The following TRPC4 variants were observed in gnomAD, a reference collection of about 807,000 sequenced individuals.
The protein encoded by TRPC4 is transient receptor potential cation channel subfamily C member 4, also known as short transient receptor potential channel 4.
In TRPC4, 49 loss-of-function variants were observed where a neutral mutation model predicts 99.4. The ratio of observed to expected loss-of-function variants is 0.49; its 90% CI spans 0.39 to 0.63. TRPC4 has a LOEUF of 0.63. Ranked by LOEUF, TRPC4 falls within the 20% of genes least tolerant of loss-of-function variation. The pLI is 0.00. For missense variants in TRPC4, 898 were observed against 1,152.9 expected, an observed-to-expected ratio of 0.78 and a Z score of 3.20; for synonymous variants, 454 against 425.9, an observed-to-expected ratio of 1.07 and a Z score of -0.81.
intron 1 of TRPC4, among the ~76,000 whole-genome samples, chr13:37,833,941 A>C (rs940417175): frequency 1.3e-5 from 2 of 152,238 alleles, no homozygotes; most frequent in African/African-American, 4.8e-5. Flanking sequence ...AGAAACTGCT[A>C]TCAAGTGTAG....
intron 8 of TRPC4, among the ~76,000 whole-genome samples, chr13:37,646,374 C>T (rs948120260): frequency 7.3e-5 from 11 of 151,536 alleles, no homozygotes; most frequent in Non-Finnish European, 1.2e-4. Context: ...TTTTTTGGTT[C>T]GGTATGGTAA....
intron 6 of TRPC4, among the ~76,000 whole-genome samples, chr13:37,660,264 T>C (rs1952384958): frequency 6.6e-6 from 1 of 152,024 alleles, no homozygotes; most frequent in South Asian, 2.1e-4. Flanking sequence ...ATATAGAAGT[T>C]AAAAGGGGCA....
At chr13:37,823,148 T>C (rs1406443327) in intron 1 of TRPC4, among the ~76,000 whole-genome samples, 1 of 150,642 alleles carries the variant, frequency 6.6e-6, no homozygotes, top group African/African-American at 2.4e-5. Context: ...TTTGTTGGAG[T>C]TCATTGTAGA....
chr13:37,810,513 T>C (rs551194658), intron 1 of TRPC4, among the ~76,000 whole-genome samples: 1 of 152,102 alleles, frequency 6.6e-6, no homozygotes, highest in South Asian at 2.1e-4. Context: ...CGTTCAAAGG[T>C]TTAATCAAAA....
intron 3 of TRPC4, among the ~76,000 whole-genome samples, chr13:37,732,808 T>C (rs1955280527): frequency 6.6e-6 from 1 of 152,054 alleles, no homozygotes; most frequent in Admixed American, 6.6e-5. Flanking sequence ...ATGAAAGAAA[T>C]AGTAGATGAC....
At chr13:37,836,817 A>C (rs1171746083) in intron 1 of TRPC4, among the ~76,000 whole-genome samples, 1 of 152,240 alleles carries the variant, frequency 6.6e-6, no homozygotes, top group Non-Finnish European at 1.5e-5. Flanking sequence ...GTTAATCCCC[A>C]AGACAATGCG....
Position 37,699,214 on chromosome 13 carries a change from G to A in TRPC4, c.898-6879C>T, listed in dbSNP as rs1954020715. 1.3e-5 allele frequency among the ~76,000 whole-genome samples: 2 copies of A among 152,038 alleles called. 1 individual carries two copies. Among genetic ancestry groups the A allele is most frequent in the South Asian group, 4.1e-4 (2 of 4,832 alleles). ...AGATGAATTAATATGTGAAAAGTAT[G>A]AGTTCCTAGGTCATAGTATATGTTC... On this transcript the variant is annotated intron_variant, in intron 3 of 10. Coordinates refer to ENST00000379705, the MANE Select transcript of TRPC4 (RefSeq NM_016179.4).
At chr13:37,824,894 T>C (rs1435259409) in intron 1 of TRPC4, among the ~76,000 whole-genome samples, 3 of 152,120 alleles carry the variant, frequency 2.0e-5, no homozygotes, top group Non-Finnish European at 2.9e-5. Context: ...TGTGAATCCA[T>C]CTGGTCCTGG....
chr13:37,703,469 A>G (rs1954169319), intron 3 of TRPC4, among the ~76,000 whole-genome samples: 1 of 152,148 alleles, frequency 6.6e-6, no homozygotes, highest in East Asian at 1.9e-4. Context: ...AAGTATAATT[A>G]ACCAAATATA....
chr13:37,837,493 A>G (rs1230484396), intron 1 of TRPC4, among the ~76,000 whole-genome samples: 1 of 152,178 alleles, frequency 6.6e-6, no homozygotes, highest in Non-Finnish European at 1.5e-5. Context: ...GTCAAAGGAG[A>G]TCATTTTGGA....
chr13:37,751,259 C>T (rs926038756), intron 2 of TRPC4, among the ~76,000 whole-genome samples: 2 of 152,096 alleles, frequency 1.3e-5, no homozygotes, highest in African/African-American at 4.8e-5. Flanking sequence ...GAACATTCAT[C>T]AGCTCTGCAT....
At chr13:37,723,395 A>G (rs1222553590) in intron 3 of TRPC4, among the ~76,000 whole-genome samples, 5 of 152,204 alleles carry the variant, frequency 3.3e-5, no homozygotes, top group African/African-American at 4.8e-5. Flanking sequence ...GCAAAACTCC[A>G]AATGGCTAAT....
chr13:37,796,721 A>G (rs1957254390), intron 1 of TRPC4, among the ~76,000 whole-genome samples: 1 of 151,744 alleles, frequency 6.6e-6, no homozygotes, highest in African/African-American at 2.4e-5. Flanking sequence ...ACTTAGCCCT[A>G]TTTGTCACTG....
At chr13:37,814,472 G>A (rs77667202) in intron 1 of TRPC4, among the ~76,000 whole-genome samples, 4,926 of 151,556 alleles carry the variant, frequency 0.033, 273 homozygotes, top group African/African-American at 0.11. Context: ...AAATTTATAG[G>A]ATATAACATG....
intron 1 of TRPC4, among the ~76,000 whole-genome samples, chr13:37,823,098 A>T (rs1445616821): frequency 4.0e-5 from 6 of 151,106 alleles, no homozygotes; most frequent in African/African-American, 7.3e-5. Context: ...CATATCCTTC[A>T]CCCACTTTTT....
chr13:37,693,363 C>T (rs1405342797), intron 3 of TRPC4, among the ~76,000 whole-genome samples: 1 of 152,050 alleles, frequency 6.6e-6, no homozygotes, highest in Non-Finnish European at 1.5e-5. Context: ...AGAAAGTGTA[C>T]AGTGGGATTA....
At chr13:37,828,183 A>C (rs1158191037) in intron 1 of TRPC4, among the ~76,000 whole-genome samples, 4 of 152,152 alleles carry the variant, frequency 2.6e-5, no homozygotes, top group African/African-American at 9.7e-5. Flanking sequence ...GGCACTCCCT[A>C]GTGAGATGAA....
intron 1 of TRPC4, among the ~76,000 whole-genome samples, chr13:37,858,650 A>G (rs1381617093): frequency 6.6e-6 from 1 of 151,594 alleles, no homozygotes; most frequent in Non-Finnish European, 1.5e-5. Context: ...TGGAGGTATT[A>G]TGTTAAGTGA....
chr13:37,710,064 C>T (rs774659977), intron 3 of TRPC4, among the ~76,000 whole-genome samples: 10 of 151,908 alleles, frequency 6.6e-5, no homozygotes, highest in Non-Finnish European at 1.0e-4. Context: ...ATATACAGCA[C>T]ATTATAGTAC....
Sources: gnomAD v4.1 joint callset for allele counts (sites outside exome capture counted in the v4.1 genomes callset) on GRCh38, gnomAD v4.1.1 for gene constraint, MANE v1.5 for transcripts, NCBI Gene and HGNC (gene_info 2026-07-23, HGNC 2026-07-21) for gene names.